Variants in ERICH6 observed in about 807,000 individuals in gnomAD.
ERICH6 encodes glutamate rich 6.
Under a neutral mutation model 71.0 loss-of-function variants are expected in ERICH6, and 71 were observed. That is an observed-to-expected ratio of 1.00 (90% CI 0.83 to 1.22). The LOEUF is 1.22. Among genes scored for constraint, ERICH6 ranks in the 50% most tolerant of loss-of-function variants. The pLI is 0.00. For synonymous variants in ERICH6, 262 were observed against 278.4 expected (o/e 0.94, Z 0.59); for missense variants, 808 against 797.2 (o/e 1.01, Z -0.16).
intron 13 of ERICH6, among the ~76,000 whole-genome samples, chr3:150,661,326 G>C (rs1727215825): frequency 6.6e-6 from 1 of 152,160 alleles, no homozygotes; most frequent in Non-Finnish European, 1.5e-5. Context: ...TTTTTGTGTT[G>C]AGCACTGATG....
intron 13 of ERICH6, 35 bp from the exon 14 acceptor site, chr3:150,660,190 G>A (rs1727160899): frequency 6.3e-7 from 1 of 1,597,866 alleles, no homozygotes; most frequent in Non-Finnish European, 8.5e-7. Flanking sequence ...GAAACTCAGA[G>A]TCCAGAAGTG....
intron 3 of ERICH6, among the ~76,000 whole-genome samples, chr3:150,692,645 C>T (rs1437598756): frequency 6.6e-6 from 1 of 152,044 alleles, no homozygotes; most frequent in East Asian, 1.9e-4. Flanking sequence ...TTATGGGAAA[C>T]TCCTATAATT....
intron 2 of ERICH6, among the ~76,000 whole-genome samples, chr3:150,700,241 ATTTTTTTTT>A (rs34624356): frequency 1.1e-3 from 124 of 110,966 alleles, no homozygotes; most frequent in Middle Eastern, 5.4e-3. Flanking sequence ...TGCCCGGCTA[ATTTTTTTTT>A]TTTTTTTTTT....
In ERICH6 at chr3:150,680,814, AC is replaced by A; in HGVS notation, c.998del (p.Ser333MetfsTer27). The A allele has an allele frequency of 6.2e-7, 1 of 1,612,808 alleles. No homozygotes were observed. Among genetic ancestry groups the A allele is most frequent in the Non-Finnish European group, 8.5e-7 (1 of 1,179,740 alleles). On this transcript the variant is annotated frameshift_variant, in exon 8 of 14. Transcript: ENST00000295910. LOFTEE classifies it high-confidence loss of function. ...CTTTTGCCTTGAGTCTGTCGACCTC[AC>A]TACCATGGGCTGCATGAGGGTCAAT... is the stretch of plus-strand genomic sequence containing the variant. ...IAIDPHAAHG[S>X]EVDRLKAKEK...
intron 12 of ERICH6, 119 bp downstream of exon 12, chr3:150,669,177 C>T: frequency 8.8e-7 from 1 of 1,133,172 alleles, no homozygotes; most frequent in Non-Finnish European, 1.2e-6. Flanking sequence ...ACATTACCAT[C>T]TAAAGAACAC....
intron 10 of ERICH6, 120 bp downstream of exon 10, chr3:150,678,289 C>G: frequency 2.1e-6 from 2 of 934,800 alleles, no homozygotes; most frequent in Non-Finnish European, 1.5e-6. Flanking sequence ...AAGTCTGTAC[C>G]AATTCTTTTT....
chr3:150,660,836 C>T (rs948417268), intron 13 of ERICH6, among the ~76,000 whole-genome samples: 6 of 152,210 alleles, frequency 3.9e-5, no homozygotes, highest in African/African-American at 1.4e-4. Context: ...GCAAGCAGAA[C>T]TACTACCCTC....
chr3:150,703,203 C>A (rs1270383619), intron 1 of ERICH6, among the ~76,000 whole-genome samples: 1 of 150,310 alleles, frequency 6.7e-6, no homozygotes, highest in Non-Finnish European at 1.5e-5. Flanking sequence ...CCAGCCTGGG[C>A]GACAGAGCGA....
chr3:150,686,291 T>A lies in ERICH6; in HGVS notation c.610+7A>T, dbSNP rs752948150. The A allele has an allele frequency of 1.9e-6, 3 of 1,614,086 alleles. No homozygotes were observed. The highest frequency in any genetic ancestry group is 2.5e-6 in the Non-Finnish European group (3 of 1,179,932). ...GCAAAAGGAGATGATGCCAAACATG[T>A]ATTTACCTCTTAACTTAGATGCCAG... On this transcript the variant is annotated splice_region_variant and intron_variant, in intron 4 of 13. Coordinates refer to ENST00000295910, the MANE Select transcript of ERICH6 (RefSeq NM_152394.5).
rs1335346403 is a variant in ERICH6 at position 150,703,681 on chromosome 3, A to G, written c.218T>C (p.Phe73Ser). ...GACCTTCCAGAGGTACTCTTCGCTGAACGTCTCAGGGGCCTCCAACTCCTG... is the reference window on the plus strand; with the variant it reads ...GACCTTCCAGAGGTACTCTTCGCTGGACGTCTCAGGGGCCTCCAACTCCTG... ...EEQELEAPET[F>S]SEEYLWKVTD... is the part of the protein sequence containing the mutation. The change falls in exon 1 of 14, where the codon TTC becomes TCC. Residue 73 changes from phenylalanine to serine, a missense_variant. Physicochemically the swap from Phe to Ser is radical, Grantham distance 155. This residue lies in a region of ERICH6 where 736 missense variants were observed against 712.2 expected (regional missense o/e 1.03). Coordinates refer to ENST00000295910, the MANE Select transcript of ERICH6 (RefSeq NM_152394.5). The G allele has an allele frequency of 6.2e-7, 1 of 1,611,910 alleles. No individual in the cohort carries two copies. Among genetic ancestry groups the G allele is most frequent in the Admixed American group, 1.7e-5 (1 of 59,812 alleles).
chr3:150,665,515 CAAAA>C (rs59227415), intron 13 of ERICH6, among the ~76,000 whole-genome samples: 2 of 63,470 alleles, frequency 3.2e-5, no homozygotes, highest in African/African-American at 1.5e-4. Context: ...GACTCCATCT[CAAAA>C]AAAAAAAAAA....
chr3:150,681,079 C>G (rs1711909622), intron 7 of ERICH6, 149 bp from the exon 8 acceptor site: 1 of 776,106 alleles, frequency 1.3e-6, no homozygotes, highest in African/African-American at 1.8e-5. Context: ...ACATACCATA[C>G]AATTCACCCA....
chr3:150,684,413 G>A (rs1020519303), intron 6 of ERICH6, among the ~76,000 whole-genome samples: 10 of 152,252 alleles, frequency 6.6e-5, no homozygotes, highest in Admixed American at 2.6e-4. Flanking sequence ...CACCACCTCA[G>A]TGCATCCATA....
At position 150,665,581 on chromosome 3, in the gene ERICH6, C is replaced by T. The variant is rs1727382976; in HGVS notation, c.1728+1206G>A. 2.0e-5 allele frequency among the ~76,000 whole-genome samples: 3 copies of T among 150,230 alleles called. No individual in the cohort carries two copies. In the Admixed American group the frequency reaches 2.0e-4, roughly 10 times the overall value. The stretch of plus-strand genomic sequence containing the variant: ...GTGGCTCATGCCTGGAATCTCTGCA[C>T]TTTCAGAGGTTGAGGCAGGTGGATT... On this transcript the variant is annotated intron_variant, in intron 13 of 13. Transcript: ENST00000295910.
chr3:150,686,161 C>A, intron 4 of ERICH6, 137 bp downstream of exon 4: 2 of 1,220,600 alleles, frequency 1.6e-6, no homozygotes, highest in Non-Finnish European at 1.2e-6. Flanking sequence ...TGATCCCTGA[C>A]GTTTTCGCCA....
chr3:150,674,078 T>G (rs987757188), intron 10 of ERICH6, 37 bp from the exon 11 acceptor site: 1 of 1,573,576 alleles, frequency 6.4e-7, no homozygotes, highest in Non-Finnish European at 8.7e-7. Flanking sequence ...CTTAATTGTT[T>G]CGGACATAAA....
Position 150,666,858 on chromosome 3 carries a change from G to A in ERICH6, c.1657C>T (p.Gln553Ter). Residue 553 changes from glutamine (Q) to a stop codon, truncating the protein, a stop_gained, in exon 13 of 14, where the codon CAA becomes TAA. Transcript: ENST00000295910. LOFTEE classifies it high-confidence loss of function. The part of the protein sequence containing the change: ...NRYIGVRILE[Q>*]DKISITFLAM... The stretch of plus-strand genomic sequence containing the variant: ...AGAAAAGTTATAGAAATCTTGTCTT[G>A]TTCTAAGATGCGGACTCCAATATAA... 6.2e-7 allele frequency: 1 copy of A among 1,614,138 alleles called. No homozygotes were observed. The highest frequency in any genetic ancestry group is 8.5e-7 in the Non-Finnish European group (1 of 1,180,026).
Position 150,682,204 on chromosome 3 carries a change from G to C in ERICH6, c.882+14C>G. 6.3e-7 allele frequency: 1 copy of C among 1,599,966 alleles called. No homozygotes were observed. The highest frequency in any genetic ancestry group is 8.6e-7 in the Non-Finnish European group (1 of 1,167,736). Reference sequence around the variant, plus strand: ...ATAATACTATTTCCACAGTAAACCTGACTTAGAACTTACATGCCCTTTTGG... The same window carrying C: ...ATAATACTATTTCCACAGTAAACCTCACTTAGAACTTACATGCCCTTTTGG... On this transcript the variant is annotated intron_variant, in intron 7 of 13. Transcript: ENST00000295910.
At chr3:150,669,488 C>A (rs1711497130) in intron 11 of ERICH6, 37 bp from the exon 12 acceptor site, 1 of 1,595,548 alleles carries the variant, frequency 6.3e-7, no homozygotes, top group East Asian at 2.2e-5. Flanking sequence ...TGTTCTAATG[C>A]TCCTTGACTA....
Sources: gnomAD v4.1 joint callset for allele counts (sites outside exome capture counted in the v4.1 genomes callset) on GRCh38, gnomAD v4.1.1 for gene constraint, gnomAD v4.1.1 regional missense constraint, MANE v1.5 for transcripts, NCBI Gene and HGNC (gene_info 2026-07-23, HGNC 2026-07-21) for gene names.